SMARCC2: variants seen among roughly 807,000 people sequenced by gnomAD.
SMARCC2 encodes the protein SWI/SNF complex subunit SMARCC2.
A neutral mutation model predicts 151.3 loss-of-function variants in SMARCC2; 15 were observed. The observed-to-expected ratio is 0.10, with a 90% CI of 0.07 to 0.15. The LOEUF (loss-of-function observed/expected upper bound fraction) is 0.15. Ranked by LOEUF, SMARCC2 falls within the 10% of genes least tolerant of loss-of-function variation. The pLI is 1.00. For missense variants in SMARCC2, 1,031 were observed against 1,599.7 expected (o/e 0.64, Z 6.06); for synonymous variants, 590 against 609.5 (o/e 0.97, Z 0.47).
chr12:56,175,865 T>C (rs550441556), intron 15 of SMARCC2, among the ~76,000 whole-genome samples: 2 of 152,274 alleles, frequency 1.3e-5, no homozygotes, highest in South Asian at 4.1e-4. Context: ...ATTTACTATT[T>C]TTTTTTTTCT....
intron 2 of SMARCC2, 107 bp from the exon 3 acceptor site, chr12:56,186,347 CCCT>C (rs1167287424): frequency 5.9e-6 from 4 of 673,516 alleles, no homozygotes; most frequent in Admixed American, 2.7e-5. Context: ...GAATTGATCT[CCCT>C]TTTTTTTTTT....
intron 14 of SMARCC2, 111 bp downstream of exon 14, chr12:56,178,293 A>ATT: frequency 7.7e-7 from 1 of 1,300,378 alleles, no homozygotes; most frequent in Non-Finnish European, 1.1e-6. Context: ...ACTCTGGTCT[A>ATT]TTTGGGTGAG....
At chr12:56,164,831 C>G in intron 27 of SMARCC2, 100 bp from the exon 28 acceptor site, 2 of 1,032,184 alleles carry the variant, frequency 1.9e-6, no homozygotes, top group Non-Finnish European at 2.8e-6. Context: ...ACTCTGTCAC[C>G]AGGCTGGAGT....
chr12:56,165,737 G>A (rs1478347142), intron 26 of SMARCC2, 38 bp from the exon 27 acceptor site: 4 of 1,593,976 alleles, frequency 2.5e-6, no homozygotes, highest in Non-Finnish European at 3.4e-6. Context: ...CCAATTTTCA[G>A]CAGATCCCAA....
Position 56,163,668 on chromosome 12 carries a change from G to A in SMARCC2, c.*21C>T, listed in dbSNP as rs1021586202. ...CGTGATGTCCACAGGGGGTGAGGGG[G>A]AGAGATGTCTGGCTGGCTCCTCACT... is the stretch of plus-strand genomic sequence containing the variant. On this transcript the variant is annotated 3_prime_UTR_variant, in exon 29 of 29. Coordinates refer to ENST00000550164, the MANE Select transcript of SMARCC2 (RefSeq NM_001330288.2). The A allele has an allele frequency of 1.4e-6, 2 of 1,441,020 alleles. No individual in the cohort carries two copies. The highest frequency in any genetic ancestry group is 1.8e-6 in the Non-Finnish European group (2 of 1,082,256). 89.3% of individuals were successfully genotyped at this position (1,441,020 alleles called of 1,614,324 possible).
chr12:56,189,342 C>G lies in SMARCC2; in HGVS notation c.111+9G>C. 2 of 1,488,290 alleles carry G rather than the reference C, an allele frequency of 1.3e-6. No homozygotes were observed. The highest frequency in any genetic ancestry group is 1.8e-6 in the Non-Finnish European group (2 of 1,103,354). 92.2% of individuals were successfully genotyped at this position (1,488,290 alleles called of 1,614,324 possible). ...CCGGTCCCCGCGCGGCCCGGCCCGG[C>G]CCGCGTACCTTCTTGTAGTTCTTGC... On this transcript the variant is annotated intron_variant, in intron 1 of 28. Coordinates refer to ENST00000550164, the MANE Select transcript of SMARCC2 (RefSeq NM_001330288.2).
At chr12:56,188,266 T>C (rs1189484235) in intron 1 of SMARCC2, among the ~76,000 whole-genome samples, 1 of 152,256 alleles carries the variant, frequency 6.6e-6, no homozygotes, top group Admixed American at 6.5e-5. Flanking sequence ...CTCACAGGCG[T>C]AGAGACATGC....
At chr12:56,179,241 C>G (rs1565913609) in intron 11 of SMARCC2, among the ~76,000 whole-genome samples, 185 bp from the exon 12 acceptor site, 1 of 152,202 alleles carries the variant, frequency 6.6e-6, no homozygotes, top group Non-Finnish European at 1.5e-5. Context: ...CTTCTCCAAC[C>G]AAAAATTAAT....
Position 56,162,615 on chromosome 12 carries a change from G to C in SMARCC2, c.*1074C>G, listed in dbSNP as rs917466084. 2.8e-6 allele frequency: 1 copy of C among 359,382 alleles called. No homozygotes were observed. The highest frequency in any genetic ancestry group is 4.4e-5 in the Admixed American group (1 of 22,604). 22.3% of individuals were successfully genotyped at this position (359,382 alleles called of 1,614,324 possible). On this transcript the variant is annotated 3_prime_UTR_variant, in exon 29 of 29. Transcript: ENST00000550164. ...AATGCGGGAAGCAGAGTTGAGCTGC[G>C]AGCCAAGGGTTGGTCCAACCCAAGG...
rs1876093591 is a variant in SMARCC2, at chr12:56,180,996, C to A, written c.1062G>T (p.Glu354Asp). The A allele has an allele frequency of 6.2e-7, 1 of 1,613,464 alleles. No homozygotes were observed. Among genetic ancestry groups the A allele is most frequent in the Admixed American group, 1.7e-5 (1 of 59,930 alleles). Residue 354 changes from glutamate (E) to aspartate (D), a missense_variant, in exon 11 of 29, where the codon GAG (glutamate) becomes GAT (aspartate). By Grantham distance (45) the Glu-to-Asp change is conservative. Transcript: ENST00000550164. ...CTGTACCTGTTTTGGGAAGTGTCACCTCTTCTACATTGGGGACTGGTGAGG... is the reference window on the plus strand; with the variant it reads ...CTGTACCTGTTTTGGGAAGTGTCACATCTTCTACATTGGGGACTGGTGAGG... ...DEPSPVPNVE[E>D]VTLPKTVNTK...
chr12:56,182,215 A>G (rs1163875956), intron 7 of SMARCC2, 136 bp from the exon 8 acceptor site: 1 of 582,530 alleles, frequency 1.7e-6, no homozygotes, highest in Non-Finnish European at 3.0e-6. Context: ...TATTCATTAT[A>G]AAGTAGTAAA....
At chr12:56,174,887 T>G in intron 15 of SMARCC2, 123 bp from the exon 16 acceptor site, 1 of 655,390 alleles carries the variant, frequency 1.5e-6, no homozygotes, top group South Asian at 1.8e-5. Flanking sequence ...AAAAGTAGAT[T>G]ATTTGACTCT....
intron 6 of SMARCC2, 40 bp from the exon 7 acceptor site, chr12:56,183,970 G>T: frequency 6.8e-7 from 1 of 1,474,122 alleles, no homozygotes; most frequent in South Asian, 1.2e-5. Context: ...ATAAGCTAAA[G>T]GGGGACACAA....
At chr12:56,183,698 T>A in intron 7 of SMARCC2, 163 bp downstream of exon 7, 1 of 548,094 alleles carries the variant, frequency 1.8e-6, no homozygotes, top group Non-Finnish European at 3.3e-6. Flanking sequence ...GTCCACTAAG[T>A]CCAAACCTCC....
Position 56,185,070 on chromosome 12 carries a change from T to C in SMARCC2, c.359A>G (p.Asn120Ser), listed in dbSNP as rs1399945703. 1 of 1,614,168 alleles carries C rather than the reference T, an allele frequency of 6.2e-7. No individual in the cohort carries two copies. The highest frequency in any genetic ancestry group is 8.5e-7 in the Non-Finnish European group (1 of 1,180,010). ...DFQNPSRMDR[N>S]VEMFMTIEKS... The stretch of plus-strand genomic sequence containing the variant: ...CTCAATGGTCATAAACATTTCCACA[T>C]TGCGGTCCATGCGTGATGGATTCTG... Residue 120 changes from asparagine (N) to serine (S), a missense_variant, in exon 4 of 29, where the codon AAT (asparagine) becomes AGT (serine). Transcript: ENST00000550164.
At position 56,185,116 on chromosome 12, in the gene SMARCC2, T is replaced by G. The variant is rs369424319; in HGVS notation, c.318-5A>C. 27 of 1,613,122 alleles carry G rather than the reference T, an allele frequency of 1.7e-5. No homozygotes were observed. The African/African-American group carries it at 3.1e-4, about 18-fold the overall frequency. ...TTCTGGAAATCGTAACGCCGCCTTGTGAAGAGGCAATAATCTAGTGAGTGG... is the reference window on the plus strand; with the variant it reads ...TTCTGGAAATCGTAACGCCGCCTTGGGAAGAGGCAATAATCTAGTGAGTGG... On this transcript the variant is annotated splice_region_variant and splice_polypyrimidine_tract_variant and intron_variant, in intron 3 of 28. Transcript: ENST00000550164.
Position 56,189,259 on chromosome 12 carries a change from C to A in SMARCC2, c.111+92G>T, listed in dbSNP as rs1192989644. 4.7e-6 allele frequency: 3 copies of A among 643,276 alleles called. No individual in the cohort carries two copies. The African/African-American group carries it at 5.8e-5, about 12-fold the overall frequency. The allele number at this position is 643,276 out of a possible 1,614,324, so 39.8% of individuals were successfully genotyped here. A position where few individuals can be genotyped will look rare whatever the true frequency, so the allele number is the denominator to read the frequency against. ...GGAGGCCGCGGGGGAGGGGCTGGGGCGCCTGGAGGGTAGGCAGGATCCCGG... is the reference window on the plus strand; with the variant it reads ...GGAGGCCGCGGGGGAGGGGCTGGGGAGCCTGGAGGGTAGGCAGGATCCCGG... On this transcript the variant is annotated intron_variant, in intron 1 of 28. Transcript: ENST00000550164.
chr12:56,176,898 T>C (rs974737366), intron 15 of SMARCC2, among the ~76,000 whole-genome samples: 2 of 152,174 alleles, frequency 1.3e-5, no homozygotes, highest in Non-Finnish European at 2.9e-5. Context: ...CTCGGCTCAC[T>C]GCAACCTCCG....
chr12:56,172,851 T>C, intron 18 of SMARCC2, 86 bp downstream of exon 18: 2 of 1,568,586 alleles, frequency 1.3e-6, no homozygotes, highest in South Asian at 2.2e-5. Flanking sequence ...CTGTAGTTCC[T>C]CTGCTCTCAT....
Sources: allele counts gnomAD v4.1 joint callset (sites outside exome capture counted in the v4.1 genomes callset), GRCh38; gene constraint gnomAD v4.1.1; transcripts MANE v1.5; gene names NCBI Gene and HGNC (gene_info 2026-07-23, HGNC 2026-07-21).